The following HSF2BP variants were observed in gnomAD, a reference collection of about 807,000 sequenced individuals.
HSF2BP encodes the protein heat shock transcription factor 2 binding protein, also known as heat shock factor 2-binding protein.
In HSF2BP, 35 loss-of-function variants were observed where a neutral mutation model predicts 35.0. The observed-to-expected ratio is 1.00, with a 90% confidence interval of 0.76 to 1.32. The LOEUF (loss-of-function observed/expected upper bound fraction) is 1.32, where lower values mean the gene tolerates loss of function less well. HSF2BP is among the 40% of genes most tolerant of loss of function. HSF2BP has a pLI of 0.00. For missense variants in HSF2BP, 326 were observed against 321.7 expected (o/e 1.01, Z -0.10); for synonymous variants, 114 against 117.4 (o/e 0.97, Z 0.18).
At chr21:43,581,676 A>AG (rs1372176357) in intron 8 of HSF2BP, among the ~76,000 whole-genome samples, 1 of 152,248 alleles carries the variant, frequency 6.6e-6, no homozygotes, top group Non-Finnish European at 1.5e-5. Flanking sequence ...ACTGTTCTTC[A>AG]GCAGCTGAAG....
intron 7 of HSF2BP, among the ~76,000 whole-genome samples, chr21:43,612,813 A>T (rs1401656232): frequency 6.6e-6 from 1 of 152,126 alleles, no homozygotes. Flanking sequence ...TTAAAAAAAT[A>T]ATTAAAAAAT....
the HSF2BP span, among the ~76,000 whole-genome samples, chr21:43,467,771 ACAC>A: frequency 1.7e-4 from 17 of 99,746 alleles, no homozygotes; most frequent in South Asian, 7.2e-4. Context: ...CACACCACAC[ACAC>A]CACACCACAA....
rs985459582 is a variant in HSF2BP at position 43,659,362 on chromosome 21, G to A, written c.-225+24C>T. On this transcript the variant is annotated intron_variant, in intron 1 of 8. Transcript: ENST00000291560. The surrounding 1 kb of genome is among the most constrained non-coding windows in gnomAD (Gnocchi z 4.2). ...TACAAACAGCCTTCCGTCTCTTCCT[G>A]GTCAAGTCCTAACCCTGGCTAACCT... The A allele has an allele frequency of 5.7e-6, 1 of 174,514 alleles. No individual in the cohort carries two copies. Among genetic ancestry groups the A allele is most frequent in the Non-Finnish European group, 1.2e-5 (1 of 82,812 alleles). 10.8% of individuals were successfully genotyped at this position (174,514 alleles called of 1,614,324 possible). A position where few individuals can be genotyped will look rare whatever the true frequency, so the allele number is the denominator to read the frequency against.
rs1345713851 is a variant in HSF2BP, at chr21:43,592,415, C to T, written c.693-87G>A. 17 of 812,994 alleles carry T rather than the reference C, an allele frequency of 2.1e-5. 1 individual carries two copies. The highest frequency in any genetic ancestry group is 1.1e-4 in the South Asian group (7 of 65,804). The allele number at this position is 812,994 out of a possible 1,614,324, so 50.4% of individuals were successfully genotyped here. ...TACCTACTAGTTAAGAGGAACTTAACGTATTTAGAGCTTCCCTCACATTTT... is the reference window on the plus strand; with the variant it reads ...TACCTACTAGTTAAGAGGAACTTAATGTATTTAGAGCTTCCCTCACATTTT... On this transcript the variant is annotated intron_variant, in intron 7 of 8. Transcript: ENST00000291560.
Position 43,600,231 on chromosome 21 carries a change from ATTC to A in HSF2BP, c.693-7906_693-7904del, listed in dbSNP as rs887960471. ...GTAAAAGTGACAACTTGACCACCTTATTCTTCATCTTAAAAGAAAATATAACTT... is the reference window on the plus strand; with the variant it reads ...GTAAAAGTGACAACTTGACCACCTTATTCATCTTAAAAGAAAATATAACTT... On this transcript the variant is annotated intron_variant, in intron 7 of 8. Coordinates refer to ENST00000291560, the MANE Select transcript of HSF2BP (RefSeq NM_007031.2). 8.5e-5 allele frequency among the ~76,000 whole-genome samples: 13 copies of A among 152,224 alleles called. 1 individual carries two copies. The highest frequency in any genetic ancestry group is 7.2e-4 in the Admixed American group (11 of 15,282).
intron 3 of HSF2BP, among the ~76,000 whole-genome samples, chr21:43,647,113 T>C (rs941947610): frequency 3.3e-5 from 5 of 152,252 alleles, no homozygotes; most frequent in African/African-American, 1.2e-4. Flanking sequence ...TATGTCTCAT[T>C]CTCATACAAT....
rs546805515 is a variant in HSF2BP at position 43,574,451 on chromosome 21, G to A, written c.796+17774C>T. ...CGGATCACCGCAAGCTCCACCTCCC[G>A]GGTTCACACCATTCTCCTGCCTCAG... On this transcript the variant is annotated intron_variant, in intron 8 of 8. Transcript: ENST00000291560. Among the ~76,000 whole-genome samples the A allele has an allele frequency of 5.3e-5, 8 of 151,766 alleles. No individual in the cohort carries two copies. In the East Asian group the frequency reaches 7.8e-4, roughly 15 times the overall value.
At chr21:43,626,697 C>T (rs1273004036) in intron 6 of HSF2BP, among the ~76,000 whole-genome samples, 2 of 152,120 alleles carry the variant, frequency 1.3e-5, no homozygotes, top group Non-Finnish European at 2.9e-5. Flanking sequence ...GTTGGTGTTT[C>T]TGAGTGGCCA....
At chr21:43,576,136 A>C (rs962416720) in intron 8 of HSF2BP, among the ~76,000 whole-genome samples, 1 of 150,252 alleles carries the variant, frequency 6.7e-6, no homozygotes, top group Non-Finnish European at 1.5e-5. Context: ...AAAAAAAAAA[A>C]AGTCATTTCC....
chr21:43,619,275 A>G (rs1172169237), intron 6 of HSF2BP, among the ~76,000 whole-genome samples: 1 of 152,232 alleles, frequency 6.6e-6, no homozygotes, highest in Non-Finnish European at 1.5e-5. Context: ...TTTCAAAATC[A>G]TATCTCTGAT....
At chr21:43,593,762 C>T (rs2081954389) in intron 7 of HSF2BP, among the ~76,000 whole-genome samples, 1 of 151,820 alleles carries the variant, frequency 6.6e-6, no homozygotes, top group African/African-American at 2.4e-5. Context: ...GCTTAAGAAA[C>T]TACAGCAAGA....
chr21:43,634,338 T>C (rs1207941599), intron 4 of HSF2BP, among the ~76,000 whole-genome samples: 3 of 152,066 alleles, frequency 2.0e-5, no homozygotes, highest in African/African-American at 4.8e-5. Flanking sequence ...CTTCCTGTCC[T>C]CTCCAACCAC....
At chr21:43,656,889 T>C (rs934009666) in intron 2 of HSF2BP, 152 bp from the exon 3 acceptor site, 1 of 630,704 alleles carries the variant, frequency 1.6e-6, no homozygotes, top group African/African-American at 1.8e-5. Flanking sequence ...AGATATATTT[T>C]ATGTACATAC....
At chr21:43,580,841 A>G (rs1034513400) in intron 8 of HSF2BP, among the ~76,000 whole-genome samples, 2 of 152,254 alleles carry the variant, frequency 1.3e-5, no homozygotes, top group African/African-American at 2.4e-5. Context: ...ATCATAACAT[A>G]TACAGTATTC....
intron 7 of HSF2BP, among the ~76,000 whole-genome samples, chr21:43,608,430 A>G (rs2146890815): frequency 6.6e-6 from 1 of 152,316 alleles, no homozygotes; most frequent in African/African-American, 2.4e-5. Flanking sequence ...AATGGCTATT[A>G]CTAGAAAGTC....
At chr21:43,501,397 CTTTTT>C in the HSF2BP span, among the ~76,000 whole-genome samples, 1 of 65,232 alleles carries the variant, frequency 1.5e-5, no homozygotes, top group Non-Finnish European at 2.7e-5. Context: ...CTGTAGCTGT[CTTTTT>C]TTTTTTTTTT....
chr21:43,633,318 C>T lies in HSF2BP; in HGVS notation c.395G>A (p.Trp132Ter), dbSNP rs1490281474. Reference protein sequence around the residue: ...EMGAAACTLLWGVSSSEEVVK... With the variant: ...EMGAAACTLL ...GACTTCCTCACTGCTGGAGACACCC[C>T]ACAAGAGGGTACACGCTGCTGCTCC... Residue 132 changes from tryptophan to a stop codon, truncating the protein, a stop_gained, in exon 5 of 9, where the codon TGG becomes TAG. Coordinates refer to ENST00000291560, the MANE Select transcript of HSF2BP (RefSeq NM_007031.2). LOFTEE classifies it high-confidence loss of function. The T allele has an allele frequency of 1.9e-6, 3 of 1,614,110 alleles. No individual in the cohort carries two copies. The South Asian group carries it at 3.3e-5, about 18-fold the overall frequency.
In HSF2BP at chr21:43,613,929, C is replaced by T. The variant is rs758263351; in HGVS notation, c.593G>A (p.Cys198Tyr). The change falls in exon 7 of 9, where the codon TGT (cysteine) becomes TAT (tyrosine). Residue 198 changes from cysteine (C) to tyrosine (Y), a missense_variant. Transcript: ENST00000291560. ...TGAATTAACCAAGAATTCACGACCA[C>T]ATGCTATAGCAGCAACATCTGCAAC... is the stretch of plus-strand genomic sequence containing the variant. ...GIVTNVAAIA[C>Y]GREFLVNSSR... is the part of the protein sequence containing the mutation. The T allele has an allele frequency of 1.2e-6, 2 of 1,609,442 alleles. No individual in the cohort carries two copies. Among genetic ancestry groups the T allele is most frequent in the East Asian group, 4.5e-5 (2 of 44,842 alleles).
At chr21:43,605,312 G>A (rs988161750) in intron 7 of HSF2BP, among the ~76,000 whole-genome samples, 1 of 138,452 alleles carries the variant, frequency 7.2e-6, no homozygotes, top group South Asian at 2.3e-4. Context: ...CACACCAGCT[G>A]ACTGCACTAA....
Sources: allele counts gnomAD v4.1 joint callset (sites outside exome capture counted in the v4.1 genomes callset), GRCh38; gene constraint gnomAD v4.1.1; non-coding constraint Gnocchi (gnomAD v3.1); transcripts MANE v1.5; gene names NCBI Gene and HGNC (gene_info 2026-07-23, HGNC 2026-07-21).